SLC24A2: variants seen among roughly 807,000 people sequenced by gnomAD.
The protein encoded by SLC24A2 is sodium/potassium/calcium exchanger 2.
A neutral mutation model predicts 62.0 loss-of-function variants in SLC24A2; 36 were observed. The observed-to-expected ratio is 0.58, with a 90% CI of 0.44 to 0.77. SLC24A2 has a LOEUF of 0.77. Among genes scored for constraint, SLC24A2 ranks in the 30% least tolerant of loss-of-function variants. The probability of loss-of-function intolerance (pLI) is 0.00; values close to 1 mark genes in which losing one functional copy is unlikely to be tolerated. For missense variants in SLC24A2, 846 were observed against 817.9 expected (o/e 1.03, Z -0.42); for synonymous variants, 358 against 294.0 (o/e 1.22, Z -2.23).
intron 2 of SLC24A2, among the ~76,000 whole-genome samples, chr9:19,755,215 T>A (rs569197620): frequency 9.9e-5 from 15 of 152,256 alleles, no homozygotes; most frequent in Non-Finnish European, 2.1e-4. Flanking sequence ...CATAAGATAA[T>A]ACATGTAGAA....
chr9:20,172,463 C>A, the SLC24A2 span, among the ~76,000 whole-genome samples: 3 of 151,682 alleles, frequency 2.0e-5, no homozygotes, highest in Non-Finnish European at 4.4e-5. Context: ...CAAGAGTAAC[C>A]AAGAAAAGAA....
intron 2 of SLC24A2, among the ~76,000 whole-genome samples, chr9:19,750,264 G>T (rs2118805563): frequency 6.6e-6 from 1 of 152,108 alleles, no homozygotes; most frequent in Non-Finnish European, 1.5e-5. Flanking sequence ...CTCCCCAGTT[G>T]CCTAATGAAC....
chr9:20,236,470 G>T, the SLC24A2 span, among the ~76,000 whole-genome samples: 20 of 152,126 alleles, frequency 1.3e-4, no homozygotes, highest in African/African-American at 4.8e-4. Flanking sequence ...ATTTGTATTG[G>T]CTAGAAGCTG....
chr9:20,007,597 T>C, the SLC24A2 span, among the ~76,000 whole-genome samples: 2 of 152,166 alleles, frequency 1.3e-5, no homozygotes, highest in African/African-American at 4.8e-5. Context: ...ACTACTTTAT[T>C]GAAAAATCTG....
the SLC24A2 span, among the ~76,000 whole-genome samples, chr9:20,147,652 T>C: frequency 6.6e-6 from 1 of 152,082 alleles, no homozygotes; most frequent in African/African-American, 2.4e-5. Flanking sequence ...AGAAGATATG[T>C]TTATTACAAG....
chr9:19,720,825 A>G (rs1821003983), intron 2 of SLC24A2, among the ~76,000 whole-genome samples: 1 of 144,780 alleles, frequency 6.9e-6, no homozygotes, highest in African/African-American at 2.6e-5. Flanking sequence ...CAATTTGTGT[A>G]TATGTGGAAT....
the SLC24A2 span, among the ~76,000 whole-genome samples, chr9:20,273,537 A>T: frequency 6.6e-6 from 1 of 152,180 alleles, no homozygotes; most frequent in East Asian, 1.9e-4. Context: ...AATGGGTCTC[A>T]TGAGATCTGG....
chr9:19,942,207 G>A, the SLC24A2 span, among the ~76,000 whole-genome samples: 249 of 152,250 alleles, frequency 1.6e-3, no homozygotes, highest in African/African-American at 5.5e-3. Context: ...AGCTGGGGAA[G>A]AAATAATTCT....
the SLC24A2 span, among the ~76,000 whole-genome samples, chr9:19,945,595 G>A: frequency 1.3e-5 from 2 of 152,156 alleles, no homozygotes; most frequent in Non-Finnish European, 2.9e-5. Context: ...CTTAGTAAAT[G>A]CCAGACACTA....
chr9:19,880,032 A>C, the SLC24A2 span, among the ~76,000 whole-genome samples: 1 of 152,332 alleles, frequency 6.6e-6, no homozygotes, highest in Non-Finnish European at 1.5e-5. Context: ...ATGACCTATA[A>C]GAGGAGTTCC....
chr9:20,134,305 G>A, the SLC24A2 span, among the ~76,000 whole-genome samples: 1 of 152,270 alleles, frequency 6.6e-6, no homozygotes, highest in Non-Finnish European at 1.5e-5. Flanking sequence ...CAAAGTTAAG[G>A]ATTTTTGTTG....
At chr9:20,066,039 G>A in the SLC24A2 span, among the ~76,000 whole-genome samples, 1 of 152,180 alleles carries the variant, frequency 6.6e-6, no homozygotes, top group Non-Finnish European at 1.5e-5. Flanking sequence ...AAAACCTTCA[G>A]AGGGTTTGCA....
At chr9:20,197,773 C>T in the SLC24A2 span, among the ~76,000 whole-genome samples, 1 of 152,026 alleles carries the variant, frequency 6.6e-6, no homozygotes, top group Non-Finnish European at 1.5e-5. Flanking sequence ...TTACCTTTGT[C>T]AGTGAGGACA....
chr9:20,184,097 A>G, the SLC24A2 span, among the ~76,000 whole-genome samples: 2 of 152,252 alleles, frequency 1.3e-5, no homozygotes, highest in African/African-American at 4.8e-5. Flanking sequence ...CAATTTAAAA[A>G]TGGGCAAAGA....
the SLC24A2 span, among the ~76,000 whole-genome samples, chr9:20,303,117 T>A: frequency 0.044 from 6,535 of 148,144 alleles, 181 homozygotes; most frequent in Non-Finnish European, 0.063. Flanking sequence ...CATAGATATA[T>A]CTGTATTTTT....
chr9:20,193,538 C>G, the SLC24A2 span, among the ~76,000 whole-genome samples: 4 of 151,916 alleles, frequency 2.6e-5, no homozygotes, highest in Admixed American at 2.6e-4. Context: ...TTTTAACACC[C>G]AACTGACATC....
chr9:19,647,046 T>A (rs1248959429), intron 2 of SLC24A2, among the ~76,000 whole-genome samples: 1 of 121,194 alleles, frequency 8.3e-6, no homozygotes, highest in African/African-American at 3.3e-5. Flanking sequence ...CTCTCTCTCT[T>A]TCCACACACA....
chr9:19,552,976 G>A (rs929213017), intron 7 of SLC24A2, among the ~76,000 whole-genome samples: 3 of 152,202 alleles, frequency 2.0e-5, no homozygotes, highest in African/African-American at 7.2e-5. Flanking sequence ...TGGACTAGGA[G>A]AAGAGACTAT....
chr9:19,647,065 C>T (rs1276438342), intron 2 of SLC24A2, among the ~76,000 whole-genome samples: 52 of 26,906 alleles, frequency 1.9e-3, no homozygotes, highest in African/African-American at 9.0e-3. Context: ...CACACACACG[C>T]GCGCACACAC....
Sources: allele counts gnomAD v4.1 joint callset (sites outside exome capture counted in the v4.1 genomes callset), GRCh38; gene constraint gnomAD v4.1.1; transcripts MANE v1.5; gene names NCBI Gene and HGNC (gene_info 2026-07-23, HGNC 2026-07-21).